The following FMNL2 variants were observed in gnomAD, a reference collection of about 807,000 sequenced individuals.
FMNL2 encodes formin like 2, also known as formin-like protein 2.
A neutral mutation model predicts 130.2 loss-of-function variants in FMNL2; 51 were observed. The ratio of observed to expected loss-of-function variants is 0.39; its 90% confidence interval spans 0.31 to 0.49. FMNL2 has a LOEUF of 0.49. Among genes scored for constraint, FMNL2 ranks in the 20% least tolerant of loss-of-function variants. FMNL2 has a pLI of 0.85. For synonymous variants in FMNL2, 465 were observed against 467.1 expected (o/e 1.00, Z 0.06); for missense variants, 977 against 1,316.2 (o/e 0.74, Z 3.99).
intron 1 of FMNL2, among the ~76,000 whole-genome samples, chr2:152,458,963 GA>G (rs1314333975): frequency 6.6e-6 from 1 of 152,230 alleles, no homozygotes; most frequent in Non-Finnish European, 1.5e-5. Flanking sequence ...ACCAACTGCT[GA>G]GTGTGAAAAT....
intron 11 of FMNL2, 62 bp downstream of exon 11, chr2:152,611,667 A>C: frequency 9.3e-7 from 1 of 1,069,564 alleles, no homozygotes; most frequent in Non-Finnish European, 1.4e-6. Flanking sequence ...CCTGCCCTCA[A>C]AGGTACGCTT....
intron 1 of FMNL2, among the ~76,000 whole-genome samples, chr2:152,459,422 T>A (rs1689121787): frequency 6.6e-6 from 1 of 152,228 alleles, no homozygotes; most frequent in African/African-American, 2.4e-5. Context: ...CCTGAAGAGT[T>A]GAGTCTAAGT....
intron 22 of FMNL2, 117 bp from the exon 23 acceptor site, chr2:152,637,456 A>G: frequency 1.3e-6 from 1 of 759,216 alleles, no homozygotes; most frequent in South Asian, 1.7e-5. Flanking sequence ...AGGTGCAGCA[A>G]CGCAAGGCCA....
At chr2:152,477,848 T>A (rs957547353) in intron 1 of FMNL2, among the ~76,000 whole-genome samples, 3 of 152,128 alleles carry the variant, frequency 2.0e-5, no homozygotes, top group African/African-American at 7.2e-5. Context: ...GTGGTGTATA[T>A]ATATACACAC....
chr2:152,568,362 C>G (rs1695980557), intron 6 of FMNL2, among the ~76,000 whole-genome samples: 1 of 151,964 alleles, frequency 6.6e-6, no homozygotes, highest in South Asian at 2.1e-4. Flanking sequence ...ATTACAAGCA[C>G]TCACCACCAC....
intron 1 of FMNL2, among the ~76,000 whole-genome samples, chr2:152,336,198 T>TA (rs1255446328): frequency 6.6e-6 from 1 of 151,732 alleles, no homozygotes; most frequent in African/African-American, 2.4e-5. Flanking sequence ...GGGGCGCATG[T>TA]GGCCGGCCGC....
At chr2:152,564,601 T>C (rs1358408908) in intron 6 of FMNL2, among the ~76,000 whole-genome samples, 8 of 151,902 alleles carry the variant, frequency 5.3e-5, no homozygotes, top group African/African-American at 1.9e-4. Context: ...GGTGTGGTGG[T>C]GCACACCTGT....
At chr2:152,351,774 A>T (rs1001277931) in intron 1 of FMNL2, among the ~76,000 whole-genome samples, 19 of 152,176 alleles carry the variant, frequency 1.2e-4, no homozygotes, top group Non-Finnish European at 8.8e-5. Flanking sequence ...AGGAATCACC[A>T]CACTGTCTTC....
intron 1 of FMNL2, among the ~76,000 whole-genome samples, chr2:152,495,343 A>G (rs1261578401): frequency 6.6e-6 from 1 of 152,050 alleles, no homozygotes; most frequent in African/African-American, 2.4e-5. Context: ...ATAGAATGTA[A>G]AGATAGATTA....
chr2:152,497,095 A>G (rs772835654), intron 1 of FMNL2, among the ~76,000 whole-genome samples: 4 of 152,176 alleles, frequency 2.6e-5, no homozygotes, highest in Non-Finnish European at 4.4e-5. Context: ...ATACATATAC[A>G]TATGCACACG....
intron 3 of FMNL2, among the ~76,000 whole-genome samples, chr2:152,545,946 G>C (rs1303060457): frequency 2.6e-5 from 4 of 152,206 alleles, no homozygotes; most frequent in African/African-American, 9.7e-5. Flanking sequence ...TCAGGCAGTT[G>C]CAGAAGGGTA....
At chr2:152,544,528 C>A (rs1241188498) in intron 3 of FMNL2, among the ~76,000 whole-genome samples, 1 of 152,152 alleles carries the variant, frequency 6.6e-6, no homozygotes, top group Non-Finnish European at 1.5e-5. Flanking sequence ...GTTTTAGAAT[C>A]GATTTCTAAA....
At chr2:152,400,207 C>T (rs567551900) in intron 1 of FMNL2, among the ~76,000 whole-genome samples, 11 of 152,120 alleles carry the variant, frequency 7.2e-5, no homozygotes, top group African/African-American at 1.9e-4. Flanking sequence ...CCGAGGCGGG[C>T]GGATCACTTG....
chr2:152,481,277 C>A (rs570753821), intron 1 of FMNL2, among the ~76,000 whole-genome samples: 29 of 152,340 alleles, frequency 1.9e-4, no homozygotes, highest in African/African-American at 7.0e-4. Context: ...CAAAATAGAT[C>A]ATTTAATTGA....
intron 9 of FMNL2, among the ~76,000 whole-genome samples, chr2:152,595,030 A>G (rs140087171): frequency 2.0e-5 from 3 of 152,186 alleles, no homozygotes; most frequent in African/African-American, 7.2e-5. Flanking sequence ...TGGTAACATG[A>G]GCTTTAGGCT....
chr2:152,343,614 G>T (rs1465119068), intron 1 of FMNL2, among the ~76,000 whole-genome samples: 1 of 152,116 alleles, frequency 6.6e-6, no homozygotes, highest in Non-Finnish European at 1.5e-5. Flanking sequence ...TCACATTTTT[G>T]ACCATGTGCC....
In FMNL2 at chr2:152,649,437, A is replaced by G. The variant is rs1177976108; in HGVS notation, c.*1532A>G. 1 of 152,582 alleles carries G rather than the reference A, an allele frequency of 6.6e-6. No individual in the cohort carries two copies. Among genetic ancestry groups the G allele is most frequent in the Non-Finnish European group, 1.5e-5 (1 of 68,038 alleles). The allele number at this position is 152,582 out of a possible 1,614,324, so 9.5% of individuals were successfully genotyped here. A position where few individuals can be genotyped will look rare whatever the true frequency, so the allele number is the denominator to read the frequency against. ...GTTTAGGGAACAAGTTACCTACCAC[A>G]TTTCACTTTAGTGTACCTATTTACA... On this transcript the variant is annotated 3_prime_UTR_variant, in exon 26 of 26. Transcript: ENST00000288670.
intron 1 of FMNL2, among the ~76,000 whole-genome samples, chr2:152,450,043 A>G (rs1688549793): frequency 6.6e-6 from 1 of 152,210 alleles, no homozygotes; most frequent in Admixed American, 6.5e-5. Context: ...TCCTTCTGTC[A>G]CCGACATAGA....
intron 1 of FMNL2, among the ~76,000 whole-genome samples, chr2:152,472,970 C>A (rs914598637): frequency 3.3e-5 from 5 of 152,148 alleles, no homozygotes; most frequent in African/African-American, 4.8e-5. Flanking sequence ...ACATGGTAAA[C>A]CCTGAAATAT....
Sources: gnomAD v4.1 joint callset for allele counts (sites outside exome capture counted in the v4.1 genomes callset) on GRCh38, gnomAD v4.1.1 for gene constraint, MANE v1.5 for transcripts, NCBI Gene and HGNC (gene_info 2026-07-23, HGNC 2026-07-21) for gene names.